Variants in EEA1 observed in about 807,000 individuals in gnomAD.
EEA1 encodes early endosome antigen 1, 162kD.
Under a neutral mutation model 209.2 loss-of-function variants are expected in EEA1, and 111 were observed. That is an observed-to-expected ratio of 0.53 (90% CI 0.45 to 0.62). EEA1 has a LOEUF of 0.62. EEA1 is among the 20% of genes least tolerant of loss of function. The pLI is 0.00. For synonymous variants in EEA1, 536 were observed against 540.6 expected, an observed-to-expected ratio of 0.99 and a Z score of 0.12; for missense variants, 1,343 against 1,530.8, an observed-to-expected ratio of 0.88 and a Z score of 2.05.
At chr12:92,903,027 C>T (rs936910388) in intron 1 of EEA1, among the ~76,000 whole-genome samples, 21 of 151,324 alleles carry the variant, frequency 1.4e-4, no homozygotes, top group African/African-American at 4.1e-4. Flanking sequence ...CTCCGCCTCC[C>T]GGGTTCACAC....
intron 18 of EEA1, among the ~76,000 whole-genome samples, chr12:92,804,658 C>A (rs1221762723): frequency 6.7e-6 from 1 of 150,080 alleles, no homozygotes; most frequent in Non-Finnish European, 1.5e-5. Flanking sequence ...TTATAACCTA[C>A]ACATTAAAGA....
At chr12:92,837,580 T>C (rs1002941449) in intron 10 of EEA1, among the ~76,000 whole-genome samples, 2 of 152,310 alleles carry the variant, frequency 1.3e-5, no homozygotes, top group African/African-American at 4.8e-5. Context: ...AGCAATATAA[T>C]TTTGTTTAGA....
chr12:92,794,336 T>A (rs889800794), intron 21 of EEA1, among the ~76,000 whole-genome samples: 1 of 152,120 alleles, frequency 6.6e-6, no homozygotes, highest in African/African-American at 2.4e-5. Flanking sequence ...TCCTCAAGGA[T>A]CTAGAACTAG....
chr12:92,807,250 A>G (rs1233322745), intron 18 of EEA1, among the ~76,000 whole-genome samples: 1 of 138,522 alleles, frequency 7.2e-6, no homozygotes, highest in East Asian at 1.9e-4. Context: ...CACAAGGCCG[A>G]TAATTTTTTT....
chr12:92,829,276 C>T (rs1468999611), intron 11 of EEA1, among the ~76,000 whole-genome samples: 1 of 151,754 alleles, frequency 6.6e-6, no homozygotes, highest in African/African-American at 2.4e-5. Flanking sequence ...CACTGCACTC[C>T]AGCCTAGGCA....
At chr12:92,776,615 T>C (rs1363267893) in intron 28 of EEA1, among the ~76,000 whole-genome samples, 2 of 151,888 alleles carry the variant, frequency 1.3e-5, no homozygotes, top group African/African-American at 4.8e-5. Flanking sequence ...AAAATGATTG[T>C]CCCAGACAGT....
At position 92,853,928 on chromosome 12, in the gene EEA1, A is replaced by T. The variant is rs776108562; in HGVS notation, c.393T>A (p.Thr131=). 7 of 1,601,582 alleles carry T rather than the reference A, an allele frequency of 4.4e-6. No individual in the cohort carries two copies. The highest frequency in any genetic ancestry group is 6.0e-6 in the Non-Finnish European group (7 of 1,175,108). The change falls in exon 6 of 29, where the codon ACT becomes ACA. Residue 131 remains threonine (T), a synonymous_variant. Transcript: ENST00000322349. ...AAGTAAAGTTACCTGCTGATGAATC[A>T]GTCACCAACCCATCAGGTTTGGCCT... ...QQEAKPDGLV[T]DSSAELQSLE...
At position 92,914,848 on chromosome 12, in the gene EEA1, C is replaced by T. The variant is rs145117966; in HGVS notation, c.24+14195G>A. 1.0e-3 allele frequency among the ~76,000 whole-genome samples: 159 copies of T among 152,044 alleles called. 1 individual carries two copies. Among genetic ancestry groups the T allele is most frequent in the Non-Finnish European group, 1.6e-3 (111 of 67,968 alleles). ...CCAACTAATTTTTGTCTTTTCAGTA[C>T]AGATGGGGTTTTGCCACATTGGCCA... On this transcript the variant is annotated intron_variant, in intron 1 of 28. Coordinates refer to ENST00000322349, the MANE Select transcript of EEA1 (RefSeq NM_003566.4).
chr12:92,860,922 G>A (rs1878118977), intron 3 of EEA1, among the ~76,000 whole-genome samples: 1 of 150,368 alleles, frequency 6.7e-6, no homozygotes, highest in Non-Finnish European at 1.5e-5. Context: ...AGGAGGAGGA[G>A]GAAGAGGAAG....
intron 1 of EEA1, among the ~76,000 whole-genome samples, chr12:92,901,591 G>A (rs576692803): frequency 6.6e-6 from 1 of 150,804 alleles, no homozygotes; most frequent in African/African-American, 2.4e-5. Context: ...TTTTGAGACG[G>A]AGTTTCACTC....
rs533976828 is a variant in EEA1, at chr12:92,832,087, C to T, written c.1254+425G>A. Among the ~76,000 whole-genome samples, 521 of 146,234 alleles carry T rather than the reference C, an allele frequency of 3.6e-3. 2 individuals are homozygous for T. The highest frequency in any genetic ancestry group is 0.013 in the African/African-American group (499 of 38,778). On this transcript the variant is annotated intron_variant, in intron 11 of 28. Transcript: ENST00000322349. The stretch of plus-strand genomic sequence containing the variant: ...CCGGCCTGGGCGACAGAGCAAGACT[C>T]CGTCTCAAAAAAAAAAAAAAAAAAA...
intron 3 of EEA1, chr12:92,858,198 G>A: frequency 1.4e-6 from 1 of 695,412 alleles, no homozygotes; most frequent in Non-Finnish European, 2.7e-6. Context: ...GATCAGTGAG[G>A]CTGTCCTTGA....
chr12:92,877,591 C>T (rs1048064991), intron 2 of EEA1, among the ~76,000 whole-genome samples: 1 of 151,894 alleles, frequency 6.6e-6, no homozygotes, highest in Non-Finnish European at 1.5e-5. Flanking sequence ...TGCAGTGGTG[C>T]GATCTTGGCT....
chr12:92,787,886 G>T lies in EEA1; in HGVS notation c.3131C>A (p.Ala1044Asp). ...CTATACCTTAAGATCTTGCCTGGTG[G>T]CTAGAAGTTCAGATTCCCTCCCATA... The part of the protein sequence containing the change: ...DFYGRESELL[A>D]TRQDLKSVEE... The change falls in exon 22 of 29, where the codon GCC (alanine) becomes GAC (aspartate). Residue 1044 changes from alanine (A) to aspartate (D), a missense_variant. Transcript: ENST00000322349. 2 of 1,608,750 alleles carry T rather than the reference G, an allele frequency of 1.2e-6. No individual in the cohort carries two copies. The highest frequency in any genetic ancestry group is 1.7e-6 in the Non-Finnish European group (2 of 1,177,844).
At position 92,802,535 on chromosome 12, in the gene EEA1, C is replaced by T. The variant is rs1406838556; in HGVS notation, c.2539G>A (p.Glu847Lys). 1.0e-5 allele frequency: 16 copies of T among 1,599,242 alleles called. No individual in the cohort carries two copies. Among genetic ancestry groups the T allele is most frequent in the Non-Finnish European group, 1.1e-5 (13 of 1,175,368 alleles). ...AGCTCTGTCATTAAAGCTTCTTTCTCCATTTTCACTTTTTGTAGTTCTGTT... is the reference window on the plus strand; with the variant it reads ...AGCTCTGTCATTAAAGCTTCTTTCTTCATTTTCACTTTTTGTAGTTCTGTT... ...TVTELQKVKM[E>K]KEALMTELST... Residue 847 changes from glutamate to lysine, a missense_variant, in exon 19 of 29, where the codon GAG becomes AAG. By Grantham distance (56) the Glu-to-Lys change is moderately conservative. Coordinates refer to ENST00000322349, the MANE Select transcript of EEA1 (RefSeq NM_003566.4).
intron 9 of EEA1, among the ~76,000 whole-genome samples, chr12:92,845,484 C>T (rs1565832608): frequency 2.0e-5 from 3 of 152,070 alleles, no homozygotes; most frequent in Non-Finnish European, 4.4e-5. Flanking sequence ...TTCATACTGA[C>T]CTTCTTCTCT....
intron 9 of EEA1, among the ~76,000 whole-genome samples, chr12:92,842,957 A>T (rs1400796370): frequency 2.0e-5 from 3 of 152,176 alleles, no homozygotes; most frequent in Non-Finnish European, 4.4e-5. Context: ...CTATAGCATA[A>T]AATTATCCTT....
intron 2 of EEA1, among the ~76,000 whole-genome samples, chr12:92,884,866 C>T (rs565594281): frequency 6.6e-6 from 1 of 151,732 alleles, no homozygotes; most frequent in South Asian, 2.1e-4. Context: ...GCAAAAAACT[C>T]GAGGACTGTA....
At chr12:92,923,222 C>A (rs896609273) in intron 1 of EEA1, among the ~76,000 whole-genome samples, 1 of 151,906 alleles carries the variant, frequency 6.6e-6, no homozygotes, top group African/African-American at 2.4e-5. Context: ...GTGGTGGGCG[C>A]CTGTAGTCCC....
Sources: allele counts gnomAD v4.1 joint callset (sites outside exome capture counted in the v4.1 genomes callset), GRCh38; gene constraint gnomAD v4.1.1; transcripts MANE v1.5; gene names NCBI Gene and HGNC (gene_info 2026-07-23, HGNC 2026-07-21).